RBM28: variants seen among roughly 807,000 people sequenced by gnomAD.
The protein encoded by RBM28 is RNA binding motif protein 28.
In RBM28, 78 loss-of-function variants were observed where a neutral mutation model predicts 98.3. The ratio of observed to expected loss-of-function variants is 0.79; its 90% confidence interval spans 0.66 to 0.96. The LOEUF is 0.96. Ranked by LOEUF, RBM28 falls within the 40% of genes least tolerant of loss-of-function variation. The pLI, the probability that RBM28 is intolerant of heterozygous loss-of-function variation, is 0.00. For missense variants in RBM28, 838 were observed against 913.0 expected (o/e 0.92, Z 1.06); for synonymous variants, 306 against 330.9 (o/e 0.92, Z 0.82).
chr7:128,336,074 A>G, intron 6 of RBM28, 32 bp from the exon 7 acceptor site: 1 of 1,563,236 alleles, frequency 6.4e-7, no homozygotes. Flanking sequence ...GGAGGAATTC[A>G]TTTAATATCC....
chr7:128,327,806 AAAC>A (rs1486048284), intron 10 of RBM28, among the ~76,000 whole-genome samples: 1 of 152,210 alleles, frequency 6.6e-6, no homozygotes, highest in Non-Finnish European at 1.5e-5. Flanking sequence ...GGTCAATAAA[AAAC>A]AACTTTTATA....
At position 128,310,905 on chromosome 7, in the gene RBM28, A is replaced by T. The variant is rs1347130313; in HGVS notation, c.2172T>A (p.Asn724Lys). 6.2e-7 allele frequency: 1 copy of T among 1,613,660 alleles called. No individual in the cohort carries two copies. Among genetic ancestry groups the T allele is most frequent in the Non-Finnish European group, 8.5e-7 (1 of 1,179,580 alleles). ...EQVSRKKAKGNKTETRFNQLV... is the reference protein window; with the variant it reads ...EQVSRKKAKGKKTETRFNQLV... ...GCTGGTTGAAGCGGGTTTCCGTCTTATTTCCCTTAGCTTTTTTCCTAGATA... is the reference window on the plus strand; with the variant it reads ...GCTGGTTGAAGCGGGTTTCCGTCTTTTTTCCCTTAGCTTTTTTCCTAGATA... Residue 724 changes from asparagine (N) to lysine (K), a missense_variant, in exon 19 of 19, where the codon AAT becomes AAA. Coordinates refer to ENST00000223073, the MANE Select transcript of RBM28 (RefSeq NM_018077.3).
At chr7:128,313,312 T>G (rs757338103) in intron 17 of RBM28, 38 bp from the exon 18 acceptor site, 1 of 1,580,560 alleles carries the variant, frequency 6.3e-7, no homozygotes. Context: ...TGAGTCCTTC[T>G]TCTAATTTGA....
chr7:128,321,472 G>C (rs766323623), intron 13 of RBM28, 48 bp from the exon 14 acceptor site: 3 of 1,606,880 alleles, frequency 1.9e-6, no homozygotes, highest in Admixed American at 1.7e-5. Context: ...CTTTTTAAGA[G>C]GTAGGCTCAT....
chr7:128,341,271 A>T, intron 1 of RBM28: 1 of 982,640 alleles, frequency 1.0e-6, no homozygotes, highest in Non-Finnish European at 1.4e-6. Context: ...ACTCCTTATC[A>T]TAAAAGCTGC....
intron 14 of RBM28, among the ~76,000 whole-genome samples, chr7:128,320,215 C>CAAAAAAA (rs1164059031): frequency 2.0e-5 from 1 of 51,148 alleles, no homozygotes; most frequent in African/African-American, 1.1e-4. Context: ...GACTCCGTCT[C>CAAAAAAA]AAAAAAAAAA....
rs1253835065 is a variant in RBM28 at position 128,302,724 on chromosome 7, CA to C, written c.*8072del. ...AAAAATATGTAATGATTAGTTAGTC[CA>C]GGGGTAGCAGGAAAAGAAGCTGGTC... On this transcript the variant is annotated 3_prime_UTR_variant, in exon 19 of 19. Transcript: ENST00000223073. 3.9e-5 allele frequency: 6 copies of C among 152,088 alleles called. No homozygotes were observed. Among genetic ancestry groups the C allele is most frequent in the Admixed American group, 2.6e-4 (4 of 15,270 alleles). The allele number at this position is 152,088 out of a possible 1,614,324, so 9.4% of individuals were successfully genotyped here. A position where few individuals can be genotyped will look rare whatever the true frequency, so the allele number is the denominator to read the frequency against.
intron 16 of RBM28, 144 bp from the exon 17 acceptor site, chr7:128,315,164 A>G: frequency 8.0e-7 from 1 of 1,244,126 alleles, no homozygotes; most frequent in Non-Finnish European, 1.2e-6. Context: ...GAAAGTGAAT[A>G]CATGTAGATC....
intron 14 of RBM28, among the ~76,000 whole-genome samples, chr7:128,319,079 G>A (rs1007252377): frequency 5.3e-5 from 8 of 152,140 alleles, no homozygotes; most frequent in East Asian, 1.9e-4. Flanking sequence ...AGGATTTTTC[G>A]AGAAAACTGA....
In RBM28 at chr7:128,329,389, G is replaced by A. The variant is rs192958436; in HGVS notation, c.1129+1430C>T. Reference sequence around the variant, plus strand: ...GCTGGGATTACAGGCGTGAGCCACCGCTCCCGGCCAGGTCTTACTTTTTTT... The same window carrying A: ...GCTGGGATTACAGGCGTGAGCCACCACTCCCGGCCAGGTCTTACTTTTTTT... On this transcript the variant is annotated intron_variant, in intron 10 of 18. Transcript: ENST00000223073. Among the ~76,000 whole-genome samples the A allele has an allele frequency of 2.7e-3, 417 of 152,220 alleles. 1 individual carries two copies. Among genetic ancestry groups the A allele is most frequent in the South Asian group, 0.015 (74 of 4,818 alleles).
intron 8 of RBM28, 87 bp downstream of exon 8, chr7:128,335,456 A>G: frequency 9.8e-6 from 15 of 1,525,832 alleles, no homozygotes; most frequent in Non-Finnish European, 1.3e-5. Flanking sequence ...CCTATTTAAA[A>G]AGAGATCTAA....
In RBM28 at chr7:128,343,893, G is replaced by A. The variant is rs1796788746; in HGVS notation, c.-100C>T. On this transcript the variant is annotated 5_prime_UTR_variant, in exon 1 of 19. Coordinates refer to ENST00000223073, the MANE Select transcript of RBM28 (RefSeq NM_018077.3). Reference sequence around the variant, plus strand: ...GGTAGGACAACCAAGCTCACACGCCGAGAGATTCCGGAAGTGCTCGTTGCC... The same window carrying A: ...GGTAGGACAACCAAGCTCACACGCCAAGAGATTCCGGAAGTGCTCGTTGCC... 5.2e-6 allele frequency: 4 copies of A among 770,786 alleles called. No homozygotes were observed. Among genetic ancestry groups the A allele is most frequent in the Non-Finnish European group, 8.1e-6 (4 of 493,556 alleles). The allele number at this position is 770,786 out of a possible 1,614,324, so 47.7% of individuals were successfully genotyped here.
intron 18 of RBM28, among the ~76,000 whole-genome samples, chr7:128,312,865 T>C (rs547035037): frequency 1.3e-5 from 2 of 152,214 alleles, no homozygotes; most frequent in South Asian, 4.1e-4. Flanking sequence ...GAGCAATATG[T>C]TTCATTTTCA....
At chr7:128,313,059 C>T (rs368046734) in intron 18 of RBM28, 116 bp downstream of exon 18, 12 of 1,039,032 alleles carry the variant, frequency 1.2e-5, no homozygotes, top group African/African-American at 1.6e-5. Flanking sequence ...AAAAAGCTAC[C>T]GTCCTACACA....
intron 18 of RBM28, among the ~76,000 whole-genome samples, chr7:128,311,760 G>GA (rs940709141): frequency 1.2e-4 from 18 of 149,044 alleles, no homozygotes; most frequent in South Asian, 6.3e-4. Context: ...CAGAGAGAGA[G>GA]AAAAAAAAAA....
In RBM28 at chr7:128,299,631, C is replaced by A. The variant is rs1180548565; in HGVS notation, c.*11166G>T. 6.6e-6 allele frequency: 1 copy of A among 152,194 alleles called. No individual in the cohort carries two copies. The highest frequency in any genetic ancestry group is 1.5e-5 in the Non-Finnish European group (1 of 68,032). The allele number at this position is 152,194 out of a possible 1,614,324, so 9.4% of individuals were successfully genotyped here. A position where few individuals can be genotyped will look rare whatever the true frequency, so the allele number is the denominator to read the frequency against. ...AATGGGATTTCCATCACATAAAGAA[C>A]TGGTTATGTAAATTATGTTACACTG... On this transcript the variant is annotated 3_prime_UTR_variant, in exon 19 of 19. Coordinates refer to ENST00000223073, the MANE Select transcript of RBM28 (RefSeq NM_018077.3).
At chr7:128,321,184 C>T (rs1796224417) in intron 14 of RBM28, 82 bp downstream of exon 14, 2 of 1,572,818 alleles carry the variant, frequency 1.3e-6, no homozygotes, top group Non-Finnish European at 1.7e-6. Context: ...CAAACAAAAT[C>T]TGGCACCACA....
At chr7:128,334,437 C>T (rs1402463203) in intron 8 of RBM28, among the ~76,000 whole-genome samples, 2 of 152,130 alleles carry the variant, frequency 1.3e-5, no homozygotes, top group Non-Finnish European at 2.9e-5. Flanking sequence ...GTAGAAGCTT[C>T]TTTGATTCTA....
intron 3 of RBM28, 134 bp from the exon 4 acceptor site, chr7:128,338,935 A>C: frequency 1.3e-6 from 1 of 762,448 alleles, no homozygotes; most frequent in South Asian, 1.5e-5. Context: ...TAGGACATCA[A>C]ATGTTTCTAA....
Sources: allele counts gnomAD v4.1 joint callset (sites outside exome capture counted in the v4.1 genomes callset), GRCh38; gene constraint gnomAD v4.1.1; transcripts MANE v1.5; gene names NCBI Gene and HGNC (gene_info 2026-07-23, HGNC 2026-07-21).